Variants in CDH2 observed in about 807,000 individuals in gnomAD.
CDH2 encodes cadherin 2, also known as cadherin-2.
Under a neutral mutation model 92.0 loss-of-function variants are expected in CDH2, and 17 were observed. That is an observed-to-expected ratio of 0.18 (90% CI 0.13 to 0.28). The LOEUF is 0.28. Among genes scored for constraint, CDH2 ranks in the 10% least tolerant of loss-of-function variants. The probability of loss-of-function intolerance (pLI) is 1.00; values close to 1 mark genes in which losing one functional copy is unlikely to be tolerated. For synonymous variants in CDH2, 419 were observed against 415.9 expected (o/e 1.01, Z -0.09); for missense variants, 862 against 1,133.1 (o/e 0.76, Z 3.44).
At chr18:28,011,123 A>G (rs2013087043) in intron 4 of CDH2, among the ~76,000 whole-genome samples, 1 of 152,096 alleles carries the variant, frequency 6.6e-6, no homozygotes, top group Non-Finnish European at 1.5e-5. Context: ...TTCAGTAAGT[A>G]TGTGTTAGAA....
intron 2 of CDH2, among the ~76,000 whole-genome samples, chr18:28,079,577 A>T (rs2014787722): frequency 6.6e-6 from 1 of 152,230 alleles, no homozygotes; most frequent in Non-Finnish European, 1.5e-5. Context: ...AATTTATTTT[A>T]AAACAAAACC....
At chr18:27,980,687 A>T (rs924345093) in intron 14 of CDH2, among the ~76,000 whole-genome samples, 2 of 151,894 alleles carry the variant, frequency 1.3e-5, no homozygotes, top group African/African-American at 2.4e-5. Context: ...GTACCAAATT[A>T]AAAAAATTAG....
intron 2 of CDH2, among the ~76,000 whole-genome samples, chr18:28,129,401 G>A (rs2015730087): frequency 6.6e-6 from 1 of 152,160 alleles, no homozygotes; most frequent in Non-Finnish European, 1.5e-5. Flanking sequence ...AGTTTGCATT[G>A]ATATATTAGG....
intron 1 of CDH2, among the ~76,000 whole-genome samples, chr18:28,173,376 C>A (rs895849404): frequency 6.6e-6 from 1 of 152,092 alleles, no homozygotes; most frequent in African/African-American, 2.4e-5. Context: ...AAACTCTGAA[C>A]ACCAAGTTAA....
chr18:28,169,076 A>G (rs2016427100), intron 1 of CDH2, among the ~76,000 whole-genome samples: 1 of 152,188 alleles, frequency 6.6e-6, no homozygotes, highest in South Asian at 2.1e-4. Flanking sequence ...GAACTGAAAC[A>G]TAATAGTTTC....
At chr18:28,003,197 T>C (rs199915313) in intron 6 of CDH2, 28 bp from the exon 7 acceptor site, 34 of 1,555,276 alleles carry the variant, frequency 2.2e-5, no homozygotes, top group Non-Finnish European at 2.9e-5. Context: ...GGAAAATGAA[T>C]GGTTACCCTT....
chr18:27,944,452 A>G (rs1402076504), intron 6 of CDH2, among the ~76,000 whole-genome samples: 2 of 152,196 alleles, frequency 1.3e-5, no homozygotes, highest in East Asian at 3.9e-4. Context: ...CAGCATGTCC[A>G]AAGTTTAAAA....
intron 7 of CDH2, among the ~76,000 whole-genome samples, chr18:27,999,502 AAGT>A (rs1345506889): frequency 1.3e-5 from 2 of 152,058 alleles, no homozygotes; most frequent in Admixed American, 1.3e-4. Context: ...GGAAAACAGG[AAGT>A]ATTTCTTTCA....
At position 28,170,553 on chromosome 18, in the gene CDH2, G is replaced by C. The variant is rs573371224; in HGVS notation, c.60+6410C>G. Among the ~76,000 whole-genome samples, 9 of 152,164 alleles carry C rather than the reference G, an allele frequency of 5.9e-5. No homozygotes were observed. In the South Asian group the frequency reaches 1.7e-3, roughly 28 times the overall value. ...GTAGAGACAGGGTTTCACCGTGTTA[G>C]GCAGGATGGTCTTGATCTCCTAACC... On this transcript the variant is annotated intron_variant, in intron 1 of 15. Coordinates refer to ENST00000269141, the MANE Select transcript of CDH2 (RefSeq NM_001792.5).
At chr18:27,955,143 T>G (rs2143860575) in intron 15 of CDH2, among the ~76,000 whole-genome samples, 1 of 152,118 alleles carries the variant, frequency 6.6e-6, no homozygotes, top group African/African-American at 2.4e-5. Flanking sequence ...TTACCACAAT[T>G]TAATTATTAA....
chr18:28,011,275 G>A (rs1438002086), intron 4 of CDH2, among the ~76,000 whole-genome samples: 1 of 151,062 alleles, frequency 6.6e-6, no homozygotes. Flanking sequence ...TGTAGCTGAT[G>A]GTATGTATCT....
intron 2 of CDH2, among the ~76,000 whole-genome samples, chr18:28,117,183 C>A (rs1033396210): frequency 6.6e-6 from 1 of 152,082 alleles, no homozygotes; most frequent in Admixed American, 6.6e-5. Context: ...GGCATCCACT[C>A]ACATACTTGT....
intron 2 of CDH2, among the ~76,000 whole-genome samples, chr18:28,065,586 T>C (rs1307734895): frequency 6.6e-6 from 1 of 152,178 alleles, no homozygotes; most frequent in African/African-American, 2.4e-5. Flanking sequence ...ACACTGATAA[T>C]CCAGTCATTG....
chr18:28,160,525 G>C (rs1259884054), intron 1 of CDH2, among the ~76,000 whole-genome samples: 1 of 152,158 alleles, frequency 6.6e-6, no homozygotes, highest in Non-Finnish European at 1.5e-5. Flanking sequence ...CTGACAGCTC[G>C]ACCACTGGCT....
At chr18:28,012,187 T>C (rs2013120453) in intron 3 of CDH2, among the ~76,000 whole-genome samples, 195 bp from the exon 4 acceptor site, 1 of 152,174 alleles carries the variant, frequency 6.6e-6, no homozygotes, top group African/African-American at 2.4e-5. Context: ...ATACTGTGTA[T>C]CTGAAAAATT....
chr18:28,132,477 A>G (rs1160283119), intron 2 of CDH2, among the ~76,000 whole-genome samples: 1 of 152,118 alleles, frequency 6.6e-6, no homozygotes, highest in East Asian at 1.9e-4. Flanking sequence ...ACTGAGGGAA[A>G]GGGAAGGAGG....
At chr18:27,970,267 A>C (rs892568685) in intron 14 of CDH2, among the ~76,000 whole-genome samples, 2 of 152,170 alleles carry the variant, frequency 1.3e-5, no homozygotes, top group African/African-American at 4.8e-5. Flanking sequence ...TTGGGAGACA[A>C]AAGTATAGCC....
At chr18:28,166,894 A>C (rs553357164) in intron 1 of CDH2, among the ~76,000 whole-genome samples, 1 of 152,270 alleles carries the variant, frequency 6.6e-6, no homozygotes, top group South Asian at 2.1e-4. Context: ...ATGCTGGGAC[A>C]AATGTGGACA....
chr18:28,028,687 G>A (rs1461411726), intron 2 of CDH2, among the ~76,000 whole-genome samples: 1 of 152,078 alleles, frequency 6.6e-6, no homozygotes, highest in African/African-American at 2.4e-5. Flanking sequence ...ATCACTAGCT[G>A]CTGGAAAGAA....
Sources: allele counts gnomAD v4.1 joint callset (sites outside exome capture counted in the v4.1 genomes callset), GRCh38; gene constraint gnomAD v4.1.1; transcripts MANE v1.5; gene names NCBI Gene and HGNC (gene_info 2026-07-23, HGNC 2026-07-21).